SAMD3: variants seen among roughly 807,000 people sequenced by gnomAD.
SAMD3 encodes sterile alpha motif domain-containing protein 3.
SAMD3 carries 63 observed loss-of-function variants against 58.5 expected under a neutral mutation model. The ratio of observed to expected loss-of-function variants is 1.08; its 90% CI spans 0.88 to 1.33. The LOEUF is 1.33. SAMD3 is among the 40% of genes most tolerant of loss of function. The pLI is 0.00. For synonymous variants in SAMD3, 220 were observed against 210.3 expected (o/e 1.05, Z -0.40); for missense variants, 604 against 608.4 (o/e 0.99, Z 0.08).
chr6:130,201,267 A>T (rs1794630678), intron 5 of SAMD3, among the ~76,000 whole-genome samples: 1 of 152,208 alleles, frequency 6.6e-6, no homozygotes, highest in African/African-American at 2.4e-5. Context: ...CTCTTTGATT[A>T]TTCCCTAACC....
exon 1 of SAMD3, chr6:130,365,220 G>A: frequency 1.0e-6 from 1 of 985,500 alleles, no homozygotes; most frequent in Non-Finnish European, 1.2e-6. Flanking sequence ...TGGATGTTTG[G>A]GGTCAAGGAG....
Position 130,274,186 on chromosome 6 carries a change from A to T in SAMD3, c.-188+38792T>A, listed in dbSNP as rs150809391. Among the ~76,000 whole-genome samples, 45 of 152,292 alleles carry T rather than the reference A, an allele frequency of 3.0e-4. No individual in the cohort carries two copies. The East Asian group carries it at 4.1e-3, about 14-fold the overall frequency. On this transcript the variant is annotated intron_variant, in intron 2 of 13. Transcript: ENST00000368134. ...TCTTGGTATACAGGATTTGTCTTTC[A>T]GTACCTTGACTATATCCTACCACTG...
At position 130,184,189 on chromosome 6, in the gene SAMD3, T is replaced by C; in HGVS notation, c.570-2A>G. The C allele has an allele frequency of 6.2e-7, 1 of 1,602,214 alleles. No homozygotes were observed. On this transcript the variant is annotated splice_acceptor_variant, in intron 6 of 11. Coordinates refer to ENST00000439090, the MANE Select transcript of SAMD3 (RefSeq NM_001017373.4). LOFTEE classifies it high-confidence loss of function. ...TTGTACTGCTGGGTGCTGGGGTACC[T>C]GTTCACCAAAACAAGGAGGATATGT...
chr6:130,270,244 AC>A (rs1774511323), intron 2 of SAMD3, among the ~76,000 whole-genome samples: 1 of 152,124 alleles, frequency 6.6e-6, no homozygotes, highest in African/African-American at 2.4e-5. Flanking sequence ...GGTGTGTGCC[AC>A]CAGGCCCTGG....
intron 2 of SAMD3, among the ~76,000 whole-genome samples, chr6:130,308,395 A>ATTCTATTCTATTCTATTCTATTCTATTCT (rs1776007533): frequency 2.1e-5 from 3 of 142,688 alleles, no homozygotes; most frequent in African/African-American, 8.2e-5. Context: ...ATTCTATTCT[A>ATTCTATTCTATTCTATTCTATTCTATTCT]TTCTATTCTA....
intron 1 of SAMD3, among the ~76,000 whole-genome samples, chr6:130,341,906 C>T (rs190542343): frequency 2.8e-4 from 43 of 152,180 alleles, no homozygotes; most frequent in African/African-American, 9.9e-4. Context: ...TTAAAAAATC[C>T]ATAAAATATT....
chr6:130,288,439 T>A (rs1775241886), intron 2 of SAMD3, among the ~76,000 whole-genome samples: 1 of 146,868 alleles, frequency 6.8e-6, no homozygotes. Flanking sequence ...TCTACTGATT[T>A]AAATGTTAAT....
intron 2 of SAMD3, among the ~76,000 whole-genome samples, chr6:130,273,057 T>G (rs1468959555): frequency 7.3e-6 from 1 of 136,674 alleles, no homozygotes; most frequent in African/African-American, 2.8e-5. Flanking sequence ...TGTTGGAGTA[T>G]TGAAGTTCTT....
intron 4 of SAMD3, among the ~76,000 whole-genome samples, chr6:130,212,811 A>G (rs559854322): frequency 6.6e-6 from 1 of 152,306 alleles, no homozygotes; most frequent in African/African-American, 2.4e-5. Flanking sequence ...TTCCAGCTCA[A>G]ATGTCCTACT....
At chr6:130,214,560 A>AC in intron 3 of SAMD3, 34 bp from the exon 4 acceptor site, 1 of 1,508,694 alleles carries the variant, frequency 6.6e-7, no homozygotes, top group Non-Finnish European at 8.9e-7. Flanking sequence ...TTTCTACATG[A>AC]CTTTCCGGCA....
intron 1 of SAMD3, among the ~76,000 whole-genome samples, chr6:130,321,108 T>C (rs994680702): frequency 3.9e-5 from 6 of 152,240 alleles, no homozygotes; most frequent in African/African-American, 1.4e-4. Context: ...GACTCACTTG[T>C]AGCAAATAGA....
intron 1 of SAMD3, among the ~76,000 whole-genome samples, chr6:130,329,459 A>G (rs990078610): frequency 2.6e-5 from 4 of 152,054 alleles, no homozygotes; most frequent in Non-Finnish European, 5.9e-5. Context: ...AAAATGGTTC[A>G]GTTGGTAGGA....
At chr6:130,303,611 ACCATT>A (rs1775821600) in intron 2 of SAMD3, among the ~76,000 whole-genome samples, 1 of 152,162 alleles carries the variant, frequency 6.6e-6, no homozygotes, top group Non-Finnish European at 1.5e-5. Context: ...AAATCCACAT[ACCATT>A]CATCAGTGAG....
chr6:130,187,840 C>T (rs1304327390), intron 5 of SAMD3, among the ~76,000 whole-genome samples: 2 of 152,144 alleles, frequency 1.3e-5, no homozygotes, highest in Admixed American at 1.3e-4. Context: ...ACAAAATCAG[C>T]ACCACAAAGC....
At chr6:130,301,872 G>A (rs962750315) in intron 2 of SAMD3, among the ~76,000 whole-genome samples, 1 of 152,114 alleles carries the variant, frequency 6.6e-6, no homozygotes, top group Non-Finnish European at 1.5e-5. Context: ...TCAATAAATG[G>A]TCTGAGAAAA....
chr6:130,292,657 C>T (rs1016262919), intron 2 of SAMD3, among the ~76,000 whole-genome samples: 10 of 150,516 alleles, frequency 6.6e-5, no homozygotes, highest in Non-Finnish European at 1.5e-4. Flanking sequence ...CTCGCTCTGT[C>T]GCCCAGGCTG....
At chr6:130,144,839 T>TA in intron 11 of SAMD3, 35 bp from the exon 12 acceptor site, 1 of 1,545,618 alleles carries the variant, frequency 6.5e-7, no homozygotes, top group South Asian at 1.2e-5. Context: ...CCATGATACG[T>TA]AAAATAGCTA....
At chr6:130,185,517 T>C (rs1792858880) in intron 5 of SAMD3, among the ~76,000 whole-genome samples, 1 of 151,384 alleles carries the variant, frequency 6.6e-6, no homozygotes, top group South Asian at 2.1e-4. Context: ...TTAGTAGAGA[T>C]GGAGTTTCAC....
At chr6:130,273,838 TG>T (rs1397581073) in intron 2 of SAMD3, among the ~76,000 whole-genome samples, 9 of 152,140 alleles carry the variant, frequency 5.9e-5, no homozygotes, top group African/African-American at 2.2e-4. Flanking sequence ...AATTTGTATC[TG>T]TTTATACTGT....
Sources: gnomAD v4.1 joint callset for allele counts (sites outside exome capture counted in the v4.1 genomes callset) on GRCh38, gnomAD v4.1.1 for gene constraint, MANE v1.5 for transcripts, NCBI Gene and HGNC (gene_info 2026-07-23, HGNC 2026-07-21) for gene names.